The following NTM variants were observed in gnomAD, a reference collection of about 807,000 sequenced individuals.
NTM encodes neurotrimin.
Under a neutral mutation model 42.1 loss-of-function variants are expected in NTM, and 13 were observed. The ratio of observed to expected loss-of-function variants is 0.31; its 90% CI spans 0.20 to 0.49. NTM has a LOEUF of 0.49. Ranked by LOEUF, NTM falls within the 20% of genes least tolerant of loss-of-function variation. The pLI is 0.99. For missense variants in NTM, 373 were observed against 452.8 expected (o/e 0.82, Z 1.60); for synonymous variants, 187 against 179.2 (o/e 1.04, Z -0.35).
chr11:131,761,224 T>C (rs2084122374), intron 1 of NTM, among the ~76,000 whole-genome samples: 1 of 152,146 alleles, frequency 6.6e-6, no homozygotes, highest in Admixed American at 6.5e-5. Flanking sequence ...CACATCCTAT[T>C]CCTCACAGCA....
intron 4 of NTM, among the ~76,000 whole-genome samples, chr11:132,224,635 G>T (rs1345243226): frequency 6.6e-6 from 1 of 152,234 alleles, no homozygotes; most frequent in Non-Finnish European, 1.5e-5. Flanking sequence ...TACAGCAGTG[G>T]CAGTAAGTGG....
At chr11:131,759,028 G>C (rs907957983) in intron 1 of NTM, among the ~76,000 whole-genome samples, 1 of 152,196 alleles carries the variant, frequency 6.6e-6, no homozygotes, top group Admixed American at 6.5e-5. Flanking sequence ...TCTTTGAGAA[G>C]TTTGGTCTAG....
At chr11:132,273,163 G>T (rs1270169319) in intron 4 of NTM, among the ~76,000 whole-genome samples, 4 of 151,728 alleles carry the variant, frequency 2.6e-5, no homozygotes, top group African/African-American at 7.3e-5. Context: ...TGAGATTATT[G>T]TGTGGTTTTG....
intron 3 of NTM, among the ~76,000 whole-genome samples, chr11:132,202,703 G>A (rs2081342291): frequency 6.6e-6 from 1 of 152,202 alleles, no homozygotes; most frequent in South Asian, 2.1e-4. Context: ...GAATGGTATG[G>A]ACTGCACTCT....
chr11:131,978,526 C>G (rs112090871), intron 2 of NTM, among the ~76,000 whole-genome samples: 5 of 152,166 alleles, frequency 3.3e-5, no homozygotes, highest in Admixed American at 1.3e-4. Context: ...GGAGTCTCTT[C>G]CCTATTTCCT....
intron 2 of NTM, among the ~76,000 whole-genome samples, chr11:131,957,932 T>C (rs1325496917): frequency 6.6e-6 from 1 of 151,978 alleles, no homozygotes; most frequent in African/African-American, 2.4e-5. Flanking sequence ...TCATGCAGAA[T>C]GCTTAAAGAT....
chr11:132,087,869 A>G (rs1424821503), intron 2 of NTM, among the ~76,000 whole-genome samples: 1 of 152,252 alleles, frequency 6.6e-6, no homozygotes, highest in Non-Finnish European at 1.5e-5. Flanking sequence ...GACCAGGGGA[A>G]GAGAAGACTC....
At chr11:131,702,465 C>T (rs1381717628) in intron 1 of NTM, among the ~76,000 whole-genome samples, 1 of 152,120 alleles carries the variant, frequency 6.6e-6, no homozygotes, top group Non-Finnish European at 1.5e-5. Flanking sequence ...AGCATCTTGT[C>T]CAAGGTCACA....
chr11:131,534,034 T>C (rs7129900), intron 1 of NTM: 14,373 of 152,478 alleles, frequency 0.094, 951 homozygotes, highest in African/African-American at 0.18. Context: ...CTCATCCTAA[T>C]GGCTCCTCTG....
At chr11:132,112,764 A>G (rs971237410) in intron 2 of NTM, among the ~76,000 whole-genome samples, 1 of 148,248 alleles carries the variant, frequency 6.7e-6, no homozygotes, top group Non-Finnish European at 1.5e-5. Context: ...CACACATTAC[A>G]TGGCAAGTCT....
chr11:131,884,332 C>G (rs961841070), intron 1 of NTM, among the ~76,000 whole-genome samples: 2 of 152,214 alleles, frequency 1.3e-5, no homozygotes, highest in African/African-American at 4.8e-5. Flanking sequence ...TCATTTGAAC[C>G]CGGGAGGCAG....
At chr11:131,427,066 G>A (rs1454922382) in intron 1 of NTM, among the ~76,000 whole-genome samples, 2 of 151,954 alleles carry the variant, frequency 1.3e-5, no homozygotes, top group Non-Finnish European at 1.5e-5. Flanking sequence ...TTGAATAAAC[G>A]ACATATGTAG....
chr11:132,058,681 G>A (rs939738029), intron 2 of NTM, among the ~76,000 whole-genome samples: 1 of 152,196 alleles, frequency 6.6e-6, no homozygotes, highest in African/African-American at 2.4e-5. Context: ...CAGAAAGGAA[G>A]AGAAGATTTT....
rs756569628 is a variant in NTM at position 132,003,786 on chromosome 11, T to C, written c.167+92138T>C. Among the ~76,000 whole-genome samples, 1 of 152,210 alleles carries C rather than the reference T, an allele frequency of 6.6e-6. No homozygotes were observed. Among genetic ancestry groups the C allele is most frequent in the East Asian group, 1.9e-4 (1 of 5,194 alleles). On this transcript the variant is annotated intron_variant, in intron 2 of 8. Transcript: ENST00000683400. The surrounding 1 kb of genome is among the most constrained non-coding windows in gnomAD (Gnocchi z 6.0). The stretch of plus-strand genomic sequence containing the variant: ...ACAGAGAAATCCCTGAGCTTTACTT[T>C]TTCTGGACCTGCCACTTACAGAACC...
At chr11:132,101,019 A>G (rs1256887825) in intron 2 of NTM, among the ~76,000 whole-genome samples, 1 of 152,236 alleles carries the variant, frequency 6.6e-6, no homozygotes, top group Non-Finnish European at 1.5e-5. Flanking sequence ...AATAAATAAA[A>G]TGGTCAGGGA....
chr11:131,697,243 T>C (rs775049214), intron 1 of NTM, among the ~76,000 whole-genome samples: 6 of 152,242 alleles, frequency 3.9e-5, no homozygotes, highest in Admixed American at 2.0e-4. Flanking sequence ...GACACATCAG[T>C]CTGCAGCCAG....
At chr11:131,806,415 C>T (rs2092484330) in intron 1 of NTM, among the ~76,000 whole-genome samples, 2 of 152,162 alleles carry the variant, frequency 1.3e-5, no homozygotes, top group South Asian at 4.1e-4. Flanking sequence ...ATGTGAGCCT[C>T]TCAATTCCAG....
At chr11:132,290,578 A>G (rs546709345) in intron 4 of NTM, among the ~76,000 whole-genome samples, 1 of 152,342 alleles carries the variant, frequency 6.6e-6, no homozygotes, top group East Asian at 1.9e-4. Flanking sequence ...TGAGGAACAT[A>G]TCAGCTTTAT....
At chr11:131,651,315 A>G (rs61565486) in intron 1 of NTM, among the ~76,000 whole-genome samples, 2,654 of 152,328 alleles carry the variant, frequency 0.017, 68 homozygotes, top group African/African-American at 0.058. Flanking sequence ...ATAGCTAGTC[A>G]AAAAACAAGT....
Sources: gnomAD v4.1 joint callset for allele counts (sites outside exome capture counted in the v4.1 genomes callset) on GRCh38, gnomAD v4.1.1 for gene constraint, Gnocchi (gnomAD v3.1) non-coding constraint, MANE v1.5 for transcripts, NCBI Gene and HGNC (gene_info 2026-07-23, HGNC 2026-07-21) for gene names.